MYO6: variants seen among roughly 807,000 people sequenced by gnomAD.
MYO6 encodes the protein myosin VI, also known as unconventional myosin-VI.
Under a neutral mutation model 178.7 loss-of-function variants are expected in MYO6, and 74 were observed. That is an observed-to-expected ratio of 0.41 (90% CI 0.34 to 0.50). The LOEUF (loss-of-function observed/expected upper bound fraction) is 0.50, where lower values mean the gene tolerates loss of function less well. Among genes scored for constraint, MYO6 ranks in the 20% least tolerant of loss-of-function variants. The pLI is 0.09. For synonymous variants in MYO6, 477 were observed against 504.6 expected (o/e 0.95, Z 0.73); for missense variants, 1,330 against 1,547.4 (o/e 0.86, Z 2.36).
At chr6:75,827,471 A>G (rs1409619765) in intron 3 of MYO6, among the ~76,000 whole-genome samples, 2 of 152,338 alleles carry the variant, frequency 1.3e-5, no homozygotes, top group Middle Eastern at 3.4e-3. Flanking sequence ...CTGATCAGAC[A>G]TGAATTTGGA....
rs555993956 is a variant in MYO6 at position 75,871,652 on chromosome 6, C to T, written c.1983+967C>T. Among the ~76,000 whole-genome samples, 38 of 152,172 alleles carry T rather than the reference C, an allele frequency of 2.5e-4. 3 individuals are homozygous for T. The South Asian group carries it at 6.6e-3, about 27-fold the overall frequency. ...TTACTGTTAGATTAATTTTTGGAACCATTAAAAATCTTTTTAATATCCTCT... is the reference window on the plus strand; with the variant it reads ...TTACTGTTAGATTAATTTTTGGAACTATTAAAAATCTTTTTAATATCCTCT... On this transcript the variant is annotated intron_variant, in intron 19 of 34. Transcript: ENST00000369977.
At chr6:75,899,754 C>CT (rs1160794907) in intron 30 of MYO6, among the ~76,000 whole-genome samples, 1 of 141,394 alleles carries the variant, frequency 7.1e-6, no homozygotes, top group Non-Finnish European at 1.5e-5. Context: ...TATTATTATA[C>CT]TTTAAGTTTT....
In MYO6 at chr6:75,792,678, T is replaced by C. The variant is rs556879847; in HGVS notation, c.-47-24823T>C. Among the ~76,000 whole-genome samples, 11 of 152,300 alleles carry C rather than the reference T, an allele frequency of 7.2e-5. No homozygotes were observed. The East Asian group carries it at 1.9e-3, about 27-fold the overall frequency. Reference sequence around the variant, plus strand: ...ATATGTGAGGAATGATCAGCAGTAATAATAGTTCTGATAGTTTCGGGTACC... The same window carrying C: ...ATATGTGAGGAATGATCAGCAGTAACAATAGTTCTGATAGTTTCGGGTACC... On this transcript the variant is annotated intron_variant, in intron 1 of 34. Transcript: ENST00000369977.
At chr6:75,770,900 T>G (rs1341174430) in intron 1 of MYO6, among the ~76,000 whole-genome samples, 1 of 152,210 alleles carries the variant, frequency 6.6e-6, no homozygotes, top group African/African-American at 2.4e-5. Flanking sequence ...TGAATCTTGA[T>G]GGATAACAGT....
At chr6:75,902,504 T>C (rs1236888872) in intron 30 of MYO6, among the ~76,000 whole-genome samples, 1 of 152,242 alleles carries the variant, frequency 6.6e-6, no homozygotes, top group African/African-American at 2.4e-5. Context: ...TTTTCTAGTT[T>C]ATTTGCGTAG....
At chr6:75,900,755 A>G (rs976049510) in intron 30 of MYO6, among the ~76,000 whole-genome samples, 2 of 151,564 alleles carry the variant, frequency 1.3e-5, no homozygotes, top group Non-Finnish European at 2.9e-5. Flanking sequence ...CCATTTGTCA[A>G]TTTTGGCTTT....
At chr6:75,750,094 T>A (rs1776723615) in intron 1 of MYO6, among the ~76,000 whole-genome samples, 1 of 136,968 alleles carries the variant, frequency 7.3e-6, no homozygotes, top group Non-Finnish European at 1.6e-5. Context: ...AAAAATTCAT[T>A]ACCTTTTTTT....
intron 1 of MYO6, among the ~76,000 whole-genome samples, chr6:75,761,326 A>G (rs28562662): frequency 6.6e-6 from 1 of 152,248 alleles, no homozygotes. Flanking sequence ...GAGGGAAAAG[A>G]AGGATGGAAA....
At chr6:75,771,031 C>T (rs933937392) in intron 1 of MYO6, among the ~76,000 whole-genome samples, 16 of 147,928 alleles carry the variant, frequency 1.1e-4, no homozygotes, top group Non-Finnish European at 2.2e-4. Flanking sequence ...CTGAGATGGT[C>T]TCACTTTGTT....
chr6:75,870,981 T>A (rs1370984098), intron 19 of MYO6, among the ~76,000 whole-genome samples: 2 of 152,164 alleles, frequency 1.3e-5, no homozygotes, highest in African/African-American at 2.4e-5. Flanking sequence ...AAAGATTAGT[T>A]ATGAAATTCA....
At chr6:75,777,988 T>C (rs906103292) in intron 1 of MYO6, among the ~76,000 whole-genome samples, 2 of 152,130 alleles carry the variant, frequency 1.3e-5, no homozygotes, top group Non-Finnish European at 2.9e-5. Context: ...ATGGCCAAGG[T>C]ATAAGACACC....
At chr6:75,844,351 A>C (rs1024216900) in intron 9 of MYO6, among the ~76,000 whole-genome samples, 22 of 152,286 alleles carry the variant, frequency 1.4e-4, no homozygotes, top group African/African-American at 4.6e-4. Flanking sequence ...TGATCCATAA[A>C]GCATAAAGCA....
At chr6:75,824,420 T>G (rs1336457467) in intron 3 of MYO6, among the ~76,000 whole-genome samples, 1 of 152,198 alleles carries the variant, frequency 6.6e-6, no homozygotes, top group East Asian at 1.9e-4. Context: ...GAGTTTAGAA[T>G]GTAGGGTTTC....
At chr6:75,856,753 A>G (rs993569270) in intron 12 of MYO6, among the ~76,000 whole-genome samples, 1 of 152,238 alleles carries the variant, frequency 6.6e-6, no homozygotes, top group Non-Finnish European at 1.5e-5. Flanking sequence ...CTTTAAAGTT[A>G]TCCTGAATTA....
At chr6:75,792,729 T>G (rs1768371286) in intron 1 of MYO6, among the ~76,000 whole-genome samples, 2 of 152,198 alleles carry the variant, frequency 1.3e-5, no homozygotes, top group Non-Finnish European at 2.9e-5. Flanking sequence ...TTGTGCTTTT[T>G]CATTATTGTG....
chr6:75,787,193 G>C (rs1425855496), intron 1 of MYO6, among the ~76,000 whole-genome samples: 1 of 152,090 alleles, frequency 6.6e-6, no homozygotes, highest in Admixed American at 6.5e-5. Context: ...CAAGGATGTC[G>C]AACAATGGGA....
At chr6:75,769,850 A>C (rs1431346648) in intron 1 of MYO6, among the ~76,000 whole-genome samples, 1 of 152,166 alleles carries the variant, frequency 6.6e-6, no homozygotes, top group Non-Finnish European at 1.5e-5. Context: ...CAGTGAGCTG[A>C]GATCGTGCCA....
chr6:75,764,978 G>A (rs556533098), intron 1 of MYO6, among the ~76,000 whole-genome samples: 89 of 150,540 alleles, frequency 5.9e-4, no homozygotes, highest in Non-Finnish European at 1.1e-3. Flanking sequence ...CAGCCTGGGC[G>A]ACAGAGCTAG....
intron 16 of MYO6, chr6:75,865,172 G>A (rs189674425): frequency 6.7e-6 from 1 of 149,128 alleles, no homozygotes; most frequent in African/African-American, 2.5e-5. Flanking sequence ...GCCCAGGCTA[G>A]TCTTGAACTC....
Sources: allele counts gnomAD v4.1 joint callset (sites outside exome capture counted in the v4.1 genomes callset), GRCh38; gene constraint gnomAD v4.1.1; transcripts MANE v1.5; gene names NCBI Gene and HGNC (gene_info 2026-07-23, HGNC 2026-07-21).